Variants in MICAL2 observed in about 807,000 individuals in gnomAD.
The protein encoded by MICAL2 is [F-actin]-monooxygenase MICAL2.
Under a neutral mutation model 127.3 loss-of-function variants are expected in MICAL2, and 77 were observed. That is an observed-to-expected ratio of 0.60 (90% CI 0.50 to 0.73). The LOEUF (loss-of-function observed/expected upper bound fraction) is 0.73. Among genes scored for constraint, MICAL2 ranks in the 30% least tolerant of loss-of-function variants. The pLI is 0.00. For synonymous variants in MICAL2, 570 were observed against 551.1 expected (o/e 1.03, Z -0.48); for missense variants, 1,351 against 1,434.4 (o/e 0.94, Z 0.94).
chr11:12,224,691 G>A lies in MICAL2; in HGVS notation c.1559G>A (p.Ser520Asn). ...LSRKESDIRP[S>N]KLLTWCQQQT... ...CTTGCAGAGTCAGATATCCGGCCCA[G>A]CAAGCTCCTGACCTGGTGCCAGCAG... Residue 520 changes from serine (S) to asparagine (N), a missense_variant, in exon 13 of 28, where the codon AGC becomes AAC. Around this residue, in one of 2 missense-constraint regions of MICAL2, gnomAD observed 599 missense variants for 714.9 expected, o/e 0.84. Transcript: ENST00000683283. 6.2e-7 allele frequency: 1 copy of A among 1,614,052 alleles called. No individual in the cohort carries two copies. The highest frequency in any genetic ancestry group is 1.1e-5 in the South Asian group (1 of 91,084).
At chr11:12,251,037 G>A (rs1374094842) in intron 22 of MICAL2, among the ~76,000 whole-genome samples, 1 of 152,130 alleles carries the variant, frequency 6.6e-6, no homozygotes, top group African/African-American at 2.4e-5. Context: ...GGCAGGGACT[G>A]GGCTGTAATC....
At position 12,256,794 on chromosome 11, in the gene MICAL2, C is replaced by G; in HGVS notation, c.2965C>G (p.Arg989Gly). Residue 989 changes from arginine (R) to glycine (G), a missense_variant, in exon 24 of 28, where the codon CGA (arginine) becomes GGA (glycine). Transcript: ENST00000683283. ...CTCTCCCGATCCCCAGGAATCTATGCGAAAGTCATTTCCCCTTAACCTGGG... is the reference window on the plus strand; with the variant it reads ...CTCTCCCGATCCCCAGGAATCTATGGGAAAGTCATTTCCCCTTAACCTGGG... ...QATSPDLESM[R>G]KSFPLNLGGS... The G allele has an allele frequency of 6.2e-7, 1 of 1,610,890 alleles. No individual in the cohort carries two copies. The highest frequency in any genetic ancestry group is 8.5e-7 in the Non-Finnish European group (1 of 1,178,094).
intron 32 of MICAL2, among the ~76,000 whole-genome samples, chr11:12,348,884 T>C (rs1342166535): frequency 6.6e-6 from 1 of 152,212 alleles, no homozygotes; most frequent in Non-Finnish European, 1.5e-5. Flanking sequence ...TCAACTGGCA[T>C]GTAATCACTA....
intron 14 of MICAL2, among the ~76,000 whole-genome samples, chr11:12,226,683 C>T (rs1341791761): frequency 1.5e-5 from 2 of 133,742 alleles, no homozygotes; most frequent in Non-Finnish European, 3.1e-5. Flanking sequence ...GAGGGAGTCT[C>T]GCTTTGTCGC....
At chr11:12,290,423 C>T (rs1234092550), downstream of MICAL2, among the ~76,000 whole-genome samples, 1 of 152,000 alleles carries the variant, frequency 6.6e-6, no homozygotes, top group East Asian at 1.9e-4. Flanking sequence ...AAAAGGCAGT[C>T]TGTTGAGCTG....
rs188922474 is a variant in MICAL2 at position 12,207,537 on chromosome 11, C to T, written c.473-486C>T. On this transcript the variant is annotated intron_variant, in intron 4 of 27. Coordinates refer to ENST00000683283, the MANE Select transcript of MICAL2 (RefSeq NM_001282663.2). ...CTTTGTGGGGAAAATTTCCTACCCACTCCTCACCACTGGATGTCTAAGAGC... is the reference window on the plus strand; with the variant it reads ...CTTTGTGGGGAAAATTTCCTACCCATTCCTCACCACTGGATGTCTAAGAGC... Among the ~76,000 whole-genome samples, 283 of 152,342 alleles carry T rather than the reference C, an allele frequency of 1.9e-3. 2 individuals carry two copies. Among genetic ancestry groups the T allele is most frequent in the Admixed American group, 2.9e-3 (45 of 15,310 alleles).
chr11:12,235,165 G>A (rs1188634664), intron 15 of MICAL2, among the ~76,000 whole-genome samples: 1 of 152,144 alleles, frequency 6.6e-6, no homozygotes, highest in Non-Finnish European at 1.5e-5. Context: ...CTAGCCCAGC[G>A]ACAAGGGTAG....
intron 4 of MICAL2, among the ~76,000 whole-genome samples, chr11:12,207,307 T>C (rs871704): frequency 0.66 from 100,472 of 152,138 alleles, 34,173 homozygotes; most frequent in African/African-American, 0.84. Flanking sequence ...GCACCTGACA[T>C]AGTATAGATG....
In MICAL2 at chr11:12,182,559, T is replaced by C. The variant is rs76703978; in HGVS notation, c.264+20140T>C. On this transcript the variant is annotated intron_variant, in intron 3 of 27. Coordinates refer to ENST00000683283, the MANE Select transcript of MICAL2 (RefSeq NM_001282663.2). ...AATTCCTCTTTCCCTTCCTCCCAAC[T>C]CTGTTCTGTTCCCTCTTGTGTGATA... Among the ~76,000 whole-genome samples the C allele has an allele frequency of 7.6e-4, 116 of 152,280 alleles. 1 individual carries two copies. The East Asian group carries it at 0.02, about 27-fold the overall frequency.
downstream of MICAL2, chr11:12,294,292 C>A (rs753820254): frequency 6.2e-7 from 1 of 1,614,170 alleles, no homozygotes; most frequent in Admixed American, 1.7e-5. Context: ...TCCTTTCCAA[C>A]TCTGAAGGCG....
intron 26 of MICAL2, 136 bp downstream of exon 26, chr11:12,260,033 T>A (rs560031188): frequency 6.5e-7 from 1 of 1,544,836 alleles, no homozygotes; most frequent in Non-Finnish European, 8.7e-7. Context: ...TACTGCTACA[T>A]GTACGAGCTC....
intron 8 of MICAL2, among the ~76,000 whole-genome samples, chr11:12,217,312 T>A (rs902067240): frequency 6.6e-5 from 10 of 152,194 alleles, no homozygotes; most frequent in Non-Finnish European, 1.0e-4. Context: ...CTGGCAGCCG[T>A]CTGGGTGGCA....
intron 17 of MICAL2, among the ~76,000 whole-genome samples, 199 bp downstream of exon 17, chr11:12,239,784 T>A (rs1008679996): frequency 6.6e-6 from 1 of 152,218 alleles, no homozygotes; most frequent in African/African-American, 2.4e-5. Flanking sequence ...CCATACTGTC[T>A]CTGTTACAAC....
At chr11:12,129,719 T>G (rs1482960625) in intron 1 of MICAL2, among the ~76,000 whole-genome samples, 1 of 151,436 alleles carries the variant, frequency 6.6e-6, no homozygotes, top group African/African-American at 2.4e-5. Context: ...GATTCATTTA[T>G]TTATATGAGA....
chr11:12,354,250 GC>G (rs1939095902), intron 33 of MICAL2, among the ~76,000 whole-genome samples: 1 of 152,220 alleles, frequency 6.6e-6, no homozygotes, highest in African/African-American at 2.4e-5. Flanking sequence ...GCCAAGGAGG[GC>G]GGGTCACCTG....
At chr11:12,294,398 G>A (rs76685199), downstream of MICAL2, 5,539 of 1,614,144 alleles carry the variant, frequency 3.4e-3, 22 homozygotes, top group Non-Finnish European at 4.2e-3. Flanking sequence ...CAATAAAGAC[G>A]GGGACCAGCA....
At chr11:12,168,913 C>T (rs1342296293) in intron 3 of MICAL2, among the ~76,000 whole-genome samples, 2 of 132,214 alleles carry the variant, frequency 1.5e-5, no homozygotes. Context: ...CACCAGAGTA[C>T]TCTAGCCTGG....
At chr11:12,325,073 T>C (rs780721349) in intron 31 of MICAL2, among the ~76,000 whole-genome samples, 1 of 152,116 alleles carries the variant, frequency 6.6e-6, no homozygotes, top group Non-Finnish European at 1.5e-5. Flanking sequence ...CCCTTTTTAA[T>C]CTCTGAGACT....
chr11:12,257,007 C>T (rs1862422170), intron 24 of MICAL2, 36 bp downstream of exon 24: 2 of 1,579,304 alleles, frequency 1.3e-6, no homozygotes, highest in Non-Finnish European at 1.7e-6. Flanking sequence ...TGGGCTCTGG[C>T]CTTGGCCTCA....
Sources: gnomAD v4.1 joint callset for allele counts (sites outside exome capture counted in the v4.1 genomes callset) on GRCh38, gnomAD v4.1.1 for gene constraint, gnomAD v4.1.1 regional missense constraint, MANE v1.5 for transcripts, NCBI Gene and HGNC (gene_info 2026-07-23, HGNC 2026-07-21) for gene names.